Variants in MYO18B observed in about 807,000 individuals in gnomAD.
MYO18B encodes the protein unconventional myosin-XVIIIb.
Under a neutral mutation model 273.0 loss-of-function variants are expected in MYO18B, and 204 were observed. The observed-to-expected ratio is 0.75, with a 90% confidence interval of 0.67 to 0.84. The LOEUF (loss-of-function observed/expected upper bound fraction) is 0.84, where lower values mean the gene tolerates loss of function less well. Among genes scored for constraint, MYO18B ranks in the 40% least tolerant of loss-of-function variants. The probability of loss-of-function intolerance (pLI) is 0.00; values close to 1 mark genes in which losing one functional copy is unlikely to be tolerated. For synonymous variants in MYO18B, 1,330 were observed against 1,305.7 expected (o/e 1.02, Z -0.40); for missense variants, 3,212 against 3,287.6 (o/e 0.98, Z 0.56).
At chr22:25,894,988 AAACTC>A in intron 27 of MYO18B, 163 bp from the exon 28 acceptor site, 1 of 779,350 alleles carries the variant, frequency 1.3e-6, no homozygotes, top group Non-Finnish European at 2.0e-6. Context: ...GCGTTATTTA[AAACTC>A]AGAGTTAAAG....
rs57844236 is a variant in MYO18B at position 25,947,487 on chromosome 22, T to TACACACACACACACAC, written c.5632-184_5632-169dup. Among the ~76,000 whole-genome samples the TACACACACACACACAC allele has an allele frequency of 1.1e-3, 117 of 110,668 alleles. 2 individuals carry two copies. Among genetic ancestry groups the TACACACACACACACAC allele is most frequent in the Non-Finnish European group, 1.4e-3 (74 of 53,070 alleles). The allele number at this position is 110,668 out of a possible 152,430, so 72.6% of individuals were successfully genotyped here. On this transcript the variant is annotated intron_variant, in intron 35 of 43. Coordinates refer to ENST00000335473, the MANE Select transcript of MYO18B (RefSeq NM_032608.7). ...ATTCATAGTCACATGTAATGCCTAA[T>TACACACACACACACAC]ACACACACACACACACACACACACA... is the stretch of plus-strand genomic sequence containing the variant.
At chr22:26,003,469 C>T (rs1039122488) in intron 41 of MYO18B, among the ~76,000 whole-genome samples, 160 bp downstream of exon 41, 7 of 152,204 alleles carry the variant, frequency 4.6e-5, no homozygotes, top group African/African-American at 9.6e-5. Context: ...CTAGGAACAT[C>T]GTATTGAACT....
intron 11 of MYO18B, among the ~76,000 whole-genome samples, chr22:25,796,495 C>G (rs913382007): frequency 1.3e-5 from 2 of 151,696 alleles, no homozygotes; most frequent in Non-Finnish European, 2.9e-5. Context: ...ACTTGGGAAG[C>G]TGAGGTGGAA....
chr22:25,937,359 C>T (rs960253311), intron 34 of MYO18B, among the ~76,000 whole-genome samples: 1 of 152,024 alleles, frequency 6.6e-6, no homozygotes, highest in Non-Finnish European at 1.5e-5. Flanking sequence ...TCTGGGATTA[C>T]AGCTGTAAGC....
At chr22:25,907,611 A>G (rs961444755) in intron 31 of MYO18B, among the ~76,000 whole-genome samples, 3 of 152,196 alleles carry the variant, frequency 2.0e-5, no homozygotes, top group Non-Finnish European at 4.4e-5. Context: ...ATTTTGGGCA[A>G]ATCATCTTCT....
chr22:25,793,456 C>A (rs1374921516), intron 11 of MYO18B, among the ~76,000 whole-genome samples: 1 of 151,870 alleles, frequency 6.6e-6, no homozygotes, highest in African/African-American at 2.4e-5. Flanking sequence ...CCAGGCTGGT[C>A]TCGAACTCCT....
At chr22:26,038,634 A>G in the MYO18B span, among the ~76,000 whole-genome samples, 10 of 152,278 alleles carry the variant, frequency 6.6e-5, no homozygotes, top group Admixed American at 2.0e-4. Flanking sequence ...AGGAGATTTG[A>G]GGGAGCTGTA....
At chr22:25,795,499 A>C (rs2087869999) in intron 11 of MYO18B, among the ~76,000 whole-genome samples, 2 of 152,184 alleles carry the variant, frequency 1.3e-5, no homozygotes, top group African/African-American at 4.8e-5. Context: ...ATCCTTCTGT[A>C]ATTTAAAGTC....
At chr22:25,893,817 A>G (rs1362430193) in intron 27 of MYO18B, among the ~76,000 whole-genome samples, 2 of 151,040 alleles carry the variant, frequency 1.3e-5, no homozygotes, top group Non-Finnish European at 3.0e-5. Flanking sequence ...CCATCCATCC[A>G]TTTATCCATC....
chr22:25,912,219 G>C (rs570441564), intron 33 of MYO18B, among the ~76,000 whole-genome samples: 1 of 152,268 alleles, frequency 6.6e-6, no homozygotes, highest in South Asian at 2.1e-4. Flanking sequence ...GAAGCTGAGG[G>C]AGTCAATATA....
At chr22:26,011,245 T>C (rs776635650) in intron 42 of MYO18B, among the ~76,000 whole-genome samples, 2 of 151,918 alleles carry the variant, frequency 1.3e-5, no homozygotes, top group Non-Finnish European at 2.9e-5. Context: ...AGTCCAGTAG[T>C]AAAGAGAATT....
intron 25 of MYO18B, among the ~76,000 whole-genome samples, chr22:25,886,263 G>A (rs1158761770): frequency 6.6e-6 from 1 of 152,188 alleles, no homozygotes; most frequent in African/African-American, 2.4e-5. Flanking sequence ...AACCCAGCTG[G>A]GATGCACAGC....
chr22:25,768,004 G>A, intron 3 of MYO18B, 111 bp from the exon 4 acceptor site: 1 of 1,056,654 alleles, frequency 9.5e-7, no homozygotes, highest in Non-Finnish European at 1.4e-6. Context: ...AGCATCTGTG[G>A]AAGGATGAAT....
Position 25,874,354 on chromosome 22 carries a change from C to A in MYO18B, c.4020C>A (p.Ile1340=). The part of the protein sequence containing the change: ...KQREKLVSQS[I]VLFQAACKGF... ...GAGAGAAGCTGGTATCTCAGAGCAT[C>A]GTTCTCTTCCAGGCGGCTTGCAAGG... The change falls in exon 23 of 44, where the codon ATC becomes ATA. Residue 1340 remains isoleucine, a synonymous_variant. Coordinates refer to ENST00000335473, the MANE Select transcript of MYO18B (RefSeq NM_032608.7). The A allele has an allele frequency of 6.2e-7, 1 of 1,613,980 alleles. No individual in the cohort carries two copies. Among genetic ancestry groups the A allele is most frequent in the Non-Finnish European group, 8.5e-7 (1 of 1,179,886 alleles).
intron 29 of MYO18B, 78 bp from the exon 30 acceptor site, chr22:25,902,535 G>GC: frequency 6.7e-7 from 1 of 1,492,322 alleles, no homozygotes; most frequent in Non-Finnish European, 9.0e-7. Flanking sequence ...CCTCTCTGCA[G>GC]CCCCTCCCTG....
At chr22:25,825,014 C>T (rs1569073702) in intron 13 of MYO18B, among the ~76,000 whole-genome samples, 1 of 142,882 alleles carries the variant, frequency 7.0e-6, no homozygotes, top group East Asian at 1.9e-4. Context: ...AACATGTGCA[C>T]AGATATATAT....
chr22:25,872,919 T>C (rs2091087733), intron 22 of MYO18B, among the ~76,000 whole-genome samples: 1 of 152,200 alleles, frequency 6.6e-6, no homozygotes, highest in South Asian at 2.1e-4. Flanking sequence ...CATGGGACTC[T>C]TTTTAGAAAT....
At chr22:25,789,614 T>C (rs908279548) in intron 11 of MYO18B, among the ~76,000 whole-genome samples, 2 of 139,656 alleles carry the variant, frequency 1.4e-5, no homozygotes, top group South Asian at 2.5e-4. Flanking sequence ...CCAGCCTAAG[T>C]GACAGAGCGA....
intron 36 of MYO18B, among the ~76,000 whole-genome samples, chr22:25,949,807 A>G (rs1319790273): frequency 6.6e-6 from 1 of 152,132 alleles, no homozygotes; most frequent in East Asian, 1.9e-4. Context: ...GAAAGTAAAG[A>G]GGTGTTTCTA....
Sources: gnomAD v4.1 joint callset for allele counts (sites outside exome capture counted in the v4.1 genomes callset) on GRCh38, gnomAD v4.1.1 for gene constraint, MANE v1.5 for transcripts, NCBI Gene and HGNC (gene_info 2026-07-23, HGNC 2026-07-21) for gene names.